KMT2E: variants seen among roughly 807,000 people sequenced by gnomAD.
KMT2E encodes histone reader KMT2E.
In KMT2E, 30 loss-of-function variants were observed where a neutral mutation model predicts 184.6. That is an observed-to-expected ratio of 0.16 (90% CI 0.12 to 0.22). The LOEUF is 0.22. Ranked by LOEUF, KMT2E falls within the 10% of genes least tolerant of loss-of-function variation. KMT2E has a pLI of 1.00. For missense variants in KMT2E, 2,023 were observed against 2,237.4 expected (o/e 0.90, Z 1.93); for synonymous variants, 815 against 776.5 (o/e 1.05, Z -0.82).
intron 1 of KMT2E, among the ~76,000 whole-genome samples, chr7:105,037,512 A>C (rs1398600053): frequency 6.6e-6 from 1 of 151,990 alleles, no homozygotes; most frequent in Non-Finnish European, 1.5e-5. Flanking sequence ...ACAGGTGTGC[A>C]TCACCACATC....
At chr7:105,018,077 A>G (rs1794792276) in intron 1 of KMT2E, among the ~76,000 whole-genome samples, 2 of 152,190 alleles carry the variant, frequency 1.3e-5, no homozygotes, top group African/African-American at 2.4e-5. Context: ...TCTTAGGGAA[A>G]TTATAATTTC....
intron 12 of KMT2E, among the ~76,000 whole-genome samples, chr7:105,081,277 G>A (rs1584771616): frequency 6.6e-6 from 1 of 151,926 alleles, no homozygotes; most frequent in African/African-American, 2.4e-5. Flanking sequence ...CCAGCTACTC[G>A]GGAGGCTGAG....
chr7:105,071,793 G>A (rs1797332708), intron 6 of KMT2E, among the ~76,000 whole-genome samples: 1 of 150,708 alleles, frequency 6.6e-6, no homozygotes, highest in Admixed American at 6.6e-5. Flanking sequence ...GGATAAGCAT[G>A]CCCACTTTCC....
At chr7:105,034,162 C>T (rs1795539057) in intron 1 of KMT2E, among the ~76,000 whole-genome samples, 1 of 152,140 alleles carries the variant, frequency 6.6e-6, no homozygotes, top group African/African-American at 2.4e-5. Context: ...CTTATTCAAA[C>T]CATAGTACGC....
At position 105,062,260 on chromosome 7, in the gene KMT2E, C is replaced by T. The variant is rs772841711; in HGVS notation, c.168C>T (p.Tyr56=). ...GCAGCTCACATCATTCACACAGTTA[C>T]ATTGGTTTGCCCTATGCGGTAAGTG... ...YTSSSHHSHS[Y]IGLPYADHNY... The change falls in exon 4 of 27, where the codon TAC becomes TAT. Residue 56 remains tyrosine, a synonymous_variant. Transcript: ENST00000311117. 1.1e-5 allele frequency: 18 copies of T among 1,612,418 alleles called. No individual in the cohort carries two copies. The highest frequency in any genetic ancestry group is 8.3e-5 in the Admixed American group (5 of 59,952).
chr7:105,026,530 A>G (rs1444051711), intron 1 of KMT2E, among the ~76,000 whole-genome samples: 1 of 152,232 alleles, frequency 6.6e-6, no homozygotes, highest in African/African-American at 2.4e-5. Flanking sequence ...CCTAAGGGAA[A>G]TAACTGATGA....
intron 11 of KMT2E, among the ~76,000 whole-genome samples, chr7:105,078,000 G>A (rs558073730): frequency 4.5e-4 from 69 of 152,170 alleles, no homozygotes; most frequent in Non-Finnish European, 9.1e-4. Flanking sequence ...TTTGATAGGC[G>A]TTGCTTCCCT....
At chr7:105,063,183 A>G (rs113548592) in intron 4 of KMT2E, among the ~76,000 whole-genome samples, 168 bp from the exon 5 acceptor site, 2,379 of 152,210 alleles carry the variant, frequency 0.016, 64 homozygotes, top group African/African-American at 0.054. Flanking sequence ...GCTGTGGTTT[A>G]ATAACTGGCT....
At chr7:105,041,598 A>G (rs936269494) in intron 3 of KMT2E, among the ~76,000 whole-genome samples, 1 of 152,096 alleles carries the variant, frequency 6.6e-6, no homozygotes, top group South Asian at 2.1e-4. Context: ...ATGGGGTTTC[A>G]TCATTTTGGC....
At chr7:105,081,423 TTTATTATTA>T (rs34070011) in intron 12 of KMT2E, among the ~76,000 whole-genome samples, 4 of 147,782 alleles carry the variant, frequency 2.7e-5, no homozygotes, top group Non-Finnish European at 4.5e-5. Context: ...ATATAGTATT[TTTATTATTA>T]TTATTATTAT....
intron 1 of KMT2E, among the ~76,000 whole-genome samples, chr7:105,023,447 T>A (rs1348516029): frequency 9.8e-6 from 1 of 102,138 alleles, no homozygotes; most frequent in Non-Finnish European, 1.8e-5. Flanking sequence ...CATTAAGCAA[T>A]TTTTTTTTTT....
chr7:105,039,323 T>A (rs1795790069), intron 2 of KMT2E: 1 of 152,200 alleles, frequency 6.6e-6, no homozygotes, highest in African/African-American at 2.4e-5. Context: ...AGTAAATAAA[T>A]ACCTAAGTAG....
intron 15 of KMT2E, among the ~76,000 whole-genome samples, chr7:105,094,538 T>C (rs1798327783): frequency 6.6e-6 from 1 of 152,218 alleles, no homozygotes; most frequent in African/African-American, 2.4e-5. Flanking sequence ...GAGCACCATG[T>C]TGGCCATCAA....
chr7:105,111,392 G>T (rs1799263310), intron 26 of KMT2E, among the ~76,000 whole-genome samples: 1 of 151,318 alleles, frequency 6.6e-6, no homozygotes, highest in African/African-American at 2.4e-5. Context: ...AAAATGAAAA[G>T]GTATTAAAAA....
intron 1 of KMT2E, among the ~76,000 whole-genome samples, chr7:105,021,904 G>T (rs972677061): frequency 1.3e-5 from 2 of 152,108 alleles, no homozygotes; most frequent in African/African-American, 4.8e-5. Flanking sequence ...TAAAAATAAT[G>T]TAAAATTTAC....
chr7:105,112,015 A>G lies in KMT2E; in HGVS notation c.4259A>G (p.His1420Arg). The change falls in exon 27 of 27, where the codon CAC becomes CGC. Residue 1420 changes from histidine to arginine, a missense_variant. His to Arg is a conservative substitution (Grantham distance 29). Around this residue, in one of 8 missense-constraint regions of KMT2E, gnomAD observed 1,108 missense variants for 1,050.9 expected, o/e 1.05. Transcript: ENST00000311117. The part of the protein sequence containing the change: ...ALSKNHPPQT[H>R]VRNSSEQLSQ... ...TCAAAGAATCATCCTCCTCAGACACACGTTCGTAATTCATCTGAGCAACTT... is the reference window on the plus strand; with the variant it reads ...TCAAAGAATCATCCTCCTCAGACACGCGTTCGTAATTCATCTGAGCAACTT... 6.2e-7 allele frequency: 1 copy of G among 1,614,160 alleles called. No individual in the cohort carries two copies. Among genetic ancestry groups the G allele is most frequent in the Non-Finnish European group, 8.5e-7 (1 of 1,180,014 alleles).
In KMT2E at chr7:105,098,141, G is replaced by GT. The variant is rs200544028; in HGVS notation, c.1723-3277dup. On this transcript the variant is annotated intron_variant, in intron 15 of 26. Coordinates refer to ENST00000311117, the MANE Select transcript of KMT2E (RefSeq NM_182931.3). ...TCTTTGTTATATAAAAGGGTAACAAGTTTTTTTGAGCAAGGAATCATTTAA... is the reference window on the plus strand; with the variant it reads ...TCTTTGTTATATAAAAGGGTAACAAGTTTTTTTTGAGCAAGGAATCATTTAA... 5.3e-5 allele frequency among the ~76,000 whole-genome samples: 8 copies of GT among 151,756 alleles called. No homozygotes were observed. In the East Asian group the frequency reaches 1.2e-3, roughly 22 times the overall value.
chr7:105,078,640 AT>A (rs2129568191), intron 11 of KMT2E, among the ~76,000 whole-genome samples: 1 of 140,646 alleles, frequency 7.1e-6, no homozygotes, highest in Non-Finnish European at 1.5e-5. Context: ...CTACAGGCAC[AT>A]GCTACCATGC....
Position 105,112,658 on chromosome 7 carries a change from T to C in KMT2E, c.4902T>C (p.Pro1634=). ...TCCCCCCTCCTCCTCCACCACCACC[T>C]GCTCCAGGACCGCACCTTGTACAAC... is the stretch of plus-strand genomic sequence containing the variant. ...AVVPPPPPPP[P]APGPHLVQQP... Residue 1634 remains proline (P), a synonymous_variant, in exon 27 of 27, where the codon CCT becomes CCC. Transcript: ENST00000311117. 6.2e-7 allele frequency: 1 copy of C among 1,613,872 alleles called. No individual in the cohort carries two copies. Among genetic ancestry groups the C allele is most frequent in the Non-Finnish European group, 8.5e-7 (1 of 1,179,960 alleles).
Sources: gnomAD v4.1 joint callset for allele counts (sites outside exome capture counted in the v4.1 genomes callset) on GRCh38, gnomAD v4.1.1 for gene constraint, gnomAD v4.1.1 regional missense constraint, MANE v1.5 for transcripts, NCBI Gene and HGNC (gene_info 2026-07-23, HGNC 2026-07-21) for gene names.